IDUA: variants seen among roughly 807,000 people sequenced by gnomAD.
The protein encoded by IDUA is iduronidase alpha-L-.
A neutral mutation model predicts 68.9 loss-of-function variants in IDUA; 65 were observed. That is an observed-to-expected ratio of 0.94 (90% confidence interval 0.77 to 1.16). IDUA has a LOEUF of 1.16. Among genes scored for constraint, IDUA ranks in the 50% most tolerant of loss-of-function variants. The pLI is 0.00. For missense variants in IDUA, 1,046 were observed against 938.0 expected (o/e 1.12, Z -1.50); for synonymous variants, 529 against 433.6 (o/e 1.22, Z -2.73).
intron 2 of IDUA, 187 bp downstream of exon 2, chr4:988,136 G>A (rs1713893820): frequency 1.4e-6 from 2 of 1,406,926 alleles, no homozygotes; most frequent in South Asian, 1.6e-5. Context: ...GCCCCTGCAT[G>A]GGGCACGGTG....
Position 1,003,112 on chromosome 4 carries a change from C to A in IDUA, c.1479C>A (p.Pro493=), listed in dbSNP as rs370394527. ...GCGAGTGGCGGCGCCTGGGCCGGCC[C>A]GTCTTCCCCACGGCAGAGCAGTTCC... The part of the protein sequence containing the change: ...PDGEWRRLGR[P]VFPTAEQFRR... The change falls in exon 10 of 14, where the codon CCC becomes CCA. Residue 493 remains proline (P), a synonymous_variant. Transcript: ENST00000514224. 187 of 1,512,936 alleles carry A rather than the reference C, an allele frequency of 1.2e-4. 1 individual carries two copies. The highest frequency in any genetic ancestry group is 5.2e-4 in the Middle Eastern group (3 of 5,716). 93.7% of individuals were successfully genotyped at this position (1,512,936 alleles called of 1,614,324 possible).
In IDUA at chr4:1,003,520, G is replaced by A. The variant is rs1228884490; in HGVS notation, c.1651-29G>A. 3.7e-6 allele frequency: 6 copies of A among 1,606,700 alleles called. No individual in the cohort carries two copies. The African/African-American group carries it at 5.3e-5, about 14-fold the overall frequency. ...GCCGCGGCCCGGACTCCCCTTCCCC[G>A]ACGCCATCACAGCCCTTCCCTCCCC... On this transcript the variant is annotated intron_variant, in intron 11 of 13. Coordinates refer to ENST00000514224, the MANE Select transcript of IDUA (RefSeq NM_000203.5).
intron 2 of IDUA, chr4:989,276 G>A (rs761070677): frequency 1.9e-6 from 3 of 1,612,624 alleles, no homozygotes; most frequent in East Asian, 2.2e-5. Context: ...AGTGACTGCA[G>A]GAAGAAGTCC....
chr4:990,493 G>T, intron 2 of IDUA: 2 of 904,108 alleles, frequency 2.2e-6, no homozygotes, highest in Non-Finnish European at 3.3e-6. Context: ...GGCCCCGTGT[G>T]TTCCAAACCA....
Position 1,002,804 on chromosome 4 carries a change from TG to T in IDUA, c.1264del (p.Ala422ProfsTer18). On this transcript the variant is annotated frameshift_variant, in exon 9 of 14. Coordinates refer to ENST00000514224, the MANE Select transcript of IDUA (RefSeq NM_000203.5). LOFTEE classifies it high-confidence loss of function. ...VLDSNHTVGV[L>X]ASAHRPQGPA... ...GACAGCAACCACACGGTGGGCGTCC[TG>T]GCCAGCGCCCACCGCCCCCAGGGCC... 6.9e-7 allele frequency: 1 copy of T among 1,458,792 alleles called. No individual in the cohort carries two copies. Among genetic ancestry groups the T allele is most frequent in the Admixed American group, 2.5e-5 (1 of 40,062 alleles). The allele number at this position is 1,458,792 out of a possible 1,614,324, so 90.4% of individuals were successfully genotyped here. A position where few individuals can be genotyped will look rare whatever the true frequency, so the allele number is the denominator to read the frequency against.
chr4:991,936 G>A lies in IDUA; in HGVS notation c.299+3987G>A, dbSNP rs761106154. On this transcript the variant is annotated intron_variant, in intron 2 of 13. Transcript: ENST00000514224. The stretch of plus-strand genomic sequence containing the variant: ...GGCCCTGCTGGATCCAGAATCCATC[G>A]TGAGGTGAGATGGGATTACGACACC... 484 of 927,006 alleles carry A rather than the reference G, an allele frequency of 5.2e-4. 1 individual carries two copies. Among genetic ancestry groups the A allele is most frequent in the Admixed American group, 9.4e-4 (47 of 50,134 alleles). The allele number at this position is 927,006 out of a possible 1,614,324, so 57.4% of individuals were successfully genotyped here.
intron 2 of IDUA, chr4:990,668 A>G: frequency 2.2e-6 from 1 of 459,858 alleles, no homozygotes; most frequent in Non-Finnish European, 3.9e-6. Flanking sequence ...CTCTGGTATC[A>G]GAAGGCAACC....
intron 2 of IDUA, chr4:989,005 A>AGC: frequency 6.3e-7 from 1 of 1,590,802 alleles, no homozygotes; most frequent in Non-Finnish European, 8.6e-7. Context: ...GCAGGCTAGC[A>AGC]GCAGGCTGAT....
intron 2 of IDUA, among the ~76,000 whole-genome samples, chr4:998,195 G>C (rs901389408): frequency 1.3e-5 from 2 of 152,182 alleles, no homozygotes; most frequent in Admixed American, 1.3e-4. Context: ...CACCCAGCCC[G>C]GGGTACAGGA....
At chr4:995,741 C>G (rs1714709440) in intron 2 of IDUA, among the ~76,000 whole-genome samples, 1 of 152,230 alleles carries the variant, frequency 6.6e-6, no homozygotes, top group African/African-American at 2.4e-5. Context: ...GGACACTCAC[C>G]CCACCAAAGG....
chr4:996,659 G>A (rs138185579), intron 2 of IDUA, among the ~76,000 whole-genome samples: 92 of 152,322 alleles, frequency 6.0e-4, no homozygotes, highest in Non-Finnish European at 1.0e-3. Context: ...CACCTAGGCT[G>A]GGTGTCTAAA....
In IDUA at chr4:1,003,381, G is replaced by A. The variant is rs1358581212; in HGVS notation, c.1561G>A (p.Gly521Ser). 4 of 1,489,838 alleles carry A rather than the reference G, an allele frequency of 2.7e-6. No homozygotes were observed. In the East Asian group the frequency reaches 8.3e-5, roughly 31 times the overall value. The allele number at this position is 1,489,838 out of a possible 1,614,324, so 92.3% of individuals were successfully genotyped here. A position where few individuals can be genotyped will look rare whatever the true frequency, so the allele number is the denominator to read the frequency against. Residue 521 changes from glycine (G) to serine (S), a missense_variant, in exon 11 of 14, where the codon GGC becomes AGC. Coordinates refer to ENST00000514224, the MANE Select transcript of IDUA (RefSeq NM_000203.5). ...CGCGGCGCCCCGCCCCTTACCCGCC[G>A]GCGGCCGCCTGACCCTGCGCCCCGC... ...VAAAPRPLPA[G>S]GRLTLRPALR...
Position 989,977 on chromosome 4 carries a change from C to T in IDUA, c.299+2028C>T, listed in dbSNP as rs1458042458. On this transcript the variant is annotated intron_variant, in intron 2 of 13. Coordinates refer to ENST00000514224, the MANE Select transcript of IDUA (RefSeq NM_000203.5). ...GGGCATGAAACCCGTGGGGATGTCGCCAGCCACGCTCGAGCCAAAGCGCTT... is the reference window on the plus strand; with the variant it reads ...GGGCATGAAACCCGTGGGGATGTCGTCAGCCACGCTCGAGCCAAAGCGCTT... 3.9e-6 allele frequency: 6 copies of T among 1,557,966 alleles called. No homozygotes were observed. The Admixed American group carries it at 5.7e-5, about 15-fold the overall frequency.
rs143915071 is a variant in IDUA at position 989,342 on chromosome 4, G to A, written c.299+1393G>A. The A allele has an allele frequency of 1.1e-5, 17 of 1,603,950 alleles. No individual in the cohort carries two copies. The highest frequency in any genetic ancestry group is 1.3e-5 in the Non-Finnish European group (15 of 1,175,840). On this transcript the variant is annotated intron_variant, in intron 2 of 13. Coordinates refer to ENST00000514224, the MANE Select transcript of IDUA (RefSeq NM_000203.5). Reference sequence around the variant, plus strand: ...CGGAACACCCGCACGCCGGGCTCAGGGACGAGGCCCTCGAACTCTGTGGCA... The same window carrying A: ...CGGAACACCCGCACGCCGGGCTCAGAGACGAGGCCCTCGAACTCTGTGGCA...
intron 2 of IDUA, chr4:992,846 C>A (rs1714477958): frequency 6.6e-6 from 1 of 152,276 alleles, no homozygotes; most frequent in South Asian, 2.1e-4. Context: ...TTTAAACATT[C>A]TTCTCAGCGA....
chr4:992,797 T>G (rs1714474714), intron 2 of IDUA: 1 of 153,230 alleles, frequency 6.5e-6, no homozygotes, highest in Admixed American at 6.5e-5. Flanking sequence ...ACGTGAGGCC[T>G]CGGGTCTGTC....
At chr4:991,175 C>T (rs763566253) in intron 2 of IDUA, 5 of 1,579,420 alleles carry the variant, frequency 3.2e-6, no homozygotes, top group South Asian at 2.3e-5. Flanking sequence ...ACACGGATGG[C>T]GTAGCAGTCA....
At chr4:990,112 G>T (rs1560536280) in intron 2 of IDUA, 2 of 1,585,308 alleles carry the variant, frequency 1.3e-6, no homozygotes, top group Non-Finnish European at 8.6e-7. Flanking sequence ...CTCCTTCGCG[G>T]CTAGCAGCAC....
chr4:989,757 G>A (rs1714096902), intron 2 of IDUA: 1 of 1,558,326 alleles, frequency 6.4e-7, no homozygotes, highest in Non-Finnish European at 8.7e-7. Context: ...CGGCGCTGGT[G>A]GCGAAGCAGT....
Sources: allele counts gnomAD v4.1 joint callset (sites outside exome capture counted in the v4.1 genomes callset), GRCh38; gene constraint gnomAD v4.1.1; transcripts MANE v1.5; gene names NCBI Gene and HGNC (gene_info 2026-07-23, HGNC 2026-07-21).